The following NTNG2 variants were observed in gnomAD, a reference collection of about 807,000 sequenced individuals.
NTNG2 encodes the protein netrin G2.
A neutral mutation model predicts 47.6 loss-of-function variants in NTNG2; 15 were observed. That is an observed-to-expected ratio of 0.32 (90% CI 0.21 to 0.49). The LOEUF is 0.49. Ranked by LOEUF, NTNG2 falls within the 20% of genes least tolerant of loss-of-function variation. The pLI is 0.99. For missense variants in NTNG2, 578 were observed against 764.6 expected (o/e 0.76, Z 2.88); for synonymous variants, 307 against 324.6 (o/e 0.95, Z 0.58).
At chr9:132,241,315 C>A in intron 7 of NTNG2, 1 of 506,274 alleles carries the variant, frequency 2.0e-6, no homozygotes, top group South Asian at 2.5e-5. Flanking sequence ...TGAGATGGGG[C>A]CGACCCGGGG....
At chr9:132,198,898 C>T (rs1448966608) in intron 3 of NTNG2, among the ~76,000 whole-genome samples, 1 of 152,036 alleles carries the variant, frequency 6.6e-6, no homozygotes, top group East Asian at 1.9e-4. Context: ...TGACCTGGTT[C>T]TTGGGATGTT....
chr9:132,230,436 T>C, intron 4 of NTNG2, 136 bp from the exon 5 acceptor site: 1 of 734,624 alleles, frequency 1.4e-6, no homozygotes, highest in Non-Finnish European at 2.4e-6. Context: ...TTGCTAGCAG[T>C]TGTGTGGTGG....
intron 2 of NTNG2, among the ~76,000 whole-genome samples, chr9:132,184,525 C>A (rs1837190652): frequency 6.6e-6 from 1 of 152,234 alleles, no homozygotes; most frequent in Admixed American, 6.5e-5. Context: ...TAAGCAGACA[C>A]CTGCCAAAGG....
In NTNG2 at chr9:132,163,847, T is replaced by C. The variant is rs1277990671; in HGVS notation, c.-484+1608T>C. ...ATCTAATTTTCGAGTTTTAATACCC[T>C]GGCTATCAGCCCCCCTTGGTTCCTG... On this transcript the variant is annotated intron_variant, in intron 1 of 7. Coordinates refer to ENST00000393229, the MANE Select transcript of NTNG2 (RefSeq NM_032536.4). The surrounding 1 kb of genome is among the most constrained non-coding windows in gnomAD (Gnocchi z 7.2). Among the ~76,000 whole-genome samples the C allele has an allele frequency of 1.3e-5, 2 of 152,252 alleles. No homozygotes were observed. Among genetic ancestry groups the C allele is most frequent in the Non-Finnish European group, 1.5e-5 (1 of 68,032 alleles).
Position 132,198,486 on chromosome 9 carries a change from A to G in NTNG2, c.734A>G (p.Glu245Gly). The part of the protein sequence containing the change: ...TRLESAKGLK[E>G]FFTLTDLRMR... Reference sequence around the variant, plus strand: ...CTGGAGAGCGCCAAGGGCCTCAAGGAGTTCTTCACCCTCACCGACCTGCGC... The same window carrying G: ...CTGGAGAGCGCCAAGGGCCTCAAGGGGTTCTTCACCCTCACCGACCTGCGC... Residue 245 changes from glutamate to glycine, a missense_variant, in exon 3 of 8, where the codon GAG becomes GGG. Physicochemically the swap from Glu to Gly is moderately conservative, Grantham distance 98. Transcript: ENST00000393229. 1 of 1,610,338 alleles carries G rather than the reference A, an allele frequency of 6.2e-7. No individual in the cohort carries two copies. The highest frequency in any genetic ancestry group is 8.5e-7 in the Non-Finnish European group (1 of 1,177,890).
rs1219750732 is a variant in NTNG2, at chr9:132,208,830, A to G, written c.857+10221A>G. ...ACGTGGATAGAGTCATGCAACCACC[A>G]CCACAGCCTGGGCCCACAACAGCCC... On this transcript the variant is annotated intron_variant, in intron 3 of 7. Coordinates refer to ENST00000393229, the MANE Select transcript of NTNG2 (RefSeq NM_032536.4). This position sits in a 1 kb window ranked among gnomAD's most constrained non-coding sequence, Gnocchi z 4.0. 6.6e-6 allele frequency among the ~76,000 whole-genome samples: 1 copy of G among 151,796 alleles called. No homozygotes were observed. Among genetic ancestry groups the G allele is most frequent in the Non-Finnish European group, 1.5e-5 (1 of 68,022 alleles).
Position 132,197,928 on chromosome 9 carries a change from C to A in NTNG2, c.214-38C>A. On this transcript the variant is annotated intron_variant, in intron 2 of 7. Transcript: ENST00000393229. The surrounding 1 kb of genome is among the most constrained non-coding windows in gnomAD (Gnocchi z 4.3). ...AGGCTTCCCAGGCCATCCCGAGCATCCAGCACCCACCCTTCCCTTCTCCTC... is the reference window on the plus strand; with the variant it reads ...AGGCTTCCCAGGCCATCCCGAGCATACAGCACCCACCCTTCCCTTCTCCTC... 1 of 1,573,008 alleles carries A rather than the reference C, an allele frequency of 6.4e-7. No homozygotes were observed. Among genetic ancestry groups the A allele is most frequent in the South Asian group, 1.2e-5 (1 of 84,788 alleles).
At position 132,198,438 on chromosome 9, in the gene NTNG2, A is replaced by T; in HGVS notation, c.686A>T (p.Asn229Ile). 1 of 1,613,080 alleles carries T rather than the reference A, an allele frequency of 6.2e-7. No individual in the cohort carries two copies. Among genetic ancestry groups the T allele is most frequent in the Non-Finnish European group, 8.5e-7 (1 of 1,179,966 alleles). Residue 229 changes from asparagine (N) to isoleucine (I), a missense_variant, in exon 3 of 8, where the codon AAC (asparagine) becomes ATC (isoleucine). Physicochemically the swap from Asn to Ile is moderately radical, Grantham distance 149. Coordinates refer to ENST00000393229, the MANE Select transcript of NTNG2 (RefSeq NM_032536.4). ...ATCTTTGCCGGCCCCGACCTGCGCAACATGGACAACCTCTACACGCGGCTG... is the reference window on the plus strand; with the variant it reads ...ATCTTTGCCGGCCCCGACCTGCGCATCATGGACAACCTCTACACGCGGCTG... ...FAIFAGPDLR[N>I]MDNLYTRLES...
rs556935298 is a variant in NTNG2, at chr9:132,166,716, C to T, written c.-116C>T. On this transcript the variant is annotated 5_prime_UTR_variant, in exon 2 of 8. Transcript: ENST00000393229. ...CAGTGCTCGGGTCCCTGGGACACCC[C>T]GGCCACCCTCGCCTGGTAGATGTGG... 7.3e-6 allele frequency: 7 copies of T among 959,332 alleles called. No homozygotes were observed. In the East Asian group the frequency reaches 9.7e-5, roughly 13 times the overall value. The allele number at this position is 959,332 out of a possible 1,614,324, so 59.4% of individuals were successfully genotyped here. A position where few individuals can be genotyped will look rare whatever the true frequency, so the allele number is the denominator to read the frequency against.
chr9:132,196,836 A>T (rs1838348760), intron 2 of NTNG2, among the ~76,000 whole-genome samples: 1 of 152,172 alleles, frequency 6.6e-6, no homozygotes, highest in African/African-American at 2.4e-5. Flanking sequence ...CCTCTGACGC[A>T]ATTGCAAGTT....
chr9:132,190,676 T>TTG (rs1564400887), intron 2 of NTNG2, among the ~76,000 whole-genome samples: 2 of 152,354 alleles, frequency 1.3e-5, no homozygotes. Context: ...GCCTCTGACT[T>TTG]TGACTGTACC....
At chr9:132,169,257 A>G (rs1232855266) in intron 2 of NTNG2, among the ~76,000 whole-genome samples, 1 of 152,258 alleles carries the variant, frequency 6.6e-6, no homozygotes, top group African/African-American at 2.4e-5. Context: ...ATGGGCTGCC[A>G]TCCAGCTCTG....
chr9:132,209,859 C>T (rs921037889), intron 3 of NTNG2, among the ~76,000 whole-genome samples: 7 of 138,288 alleles, frequency 5.1e-5, no homozygotes, highest in Admixed American at 3.9e-4. Flanking sequence ...GCGGGAGGCG[C>T]GGCAGCGTTG....
At chr9:132,227,791 G>A (rs1280711205) in intron 4 of NTNG2, among the ~76,000 whole-genome samples, 5 of 152,184 alleles carry the variant, frequency 3.3e-5, no homozygotes, top group East Asian at 1.9e-4. Flanking sequence ...ACCCGGGCGC[G>A]CTAGCGTAGT....
intron 3 of NTNG2, among the ~76,000 whole-genome samples, chr9:132,224,322 C>T (rs1349691216): frequency 6.6e-6 from 1 of 152,068 alleles, no homozygotes; most frequent in Non-Finnish European, 1.5e-5. Flanking sequence ...TTCACTAGGG[C>T]CTGTTATTTA....
chr9:132,212,308 G>T (rs1038374423), intron 3 of NTNG2, among the ~76,000 whole-genome samples: 3 of 152,214 alleles, frequency 2.0e-5, no homozygotes, highest in South Asian at 2.1e-4. Context: ...CCCCTAAGCC[G>T]CACACCCAAG....
chr9:132,239,165 C>G lies in NTNG2; in HGVS notation c.1116C>G (p.Thr372=). Residue 372 remains threonine (T), a synonymous_variant, in exon 6 of 8, where the codon ACC becomes ACG. Transcript: ENST00000393229. The part of the protein sequence containing the change: ...CSYIDFLNVV[T]CVSCKHNTRG... ...ACATTGACTTCCTGAATGTGGTGAC[C>G]TGCGTCAGCTGCAAGCACAACACGC... The G allele has an allele frequency of 1.2e-6, 2 of 1,613,930 alleles. No individual in the cohort carries two copies. Among genetic ancestry groups the G allele is most frequent in the South Asian group, 2.2e-5 (2 of 91,090 alleles).
Position 132,162,569 on chromosome 9 carries a change from AGTGT to A in NTNG2, c.-484+375_-484+378del, listed in dbSNP as rs769570116. Among the ~76,000 whole-genome samples the A allele has an allele frequency of 0.048, 5,339 of 112,288 alleles. 166 individuals are homozygous for A. The highest frequency in any genetic ancestry group is 0.096 in the Middle Eastern group (19 of 198). 73.7% of individuals were successfully genotyped at this position (112,288 alleles called of 152,430 possible). A position where few individuals can be genotyped will look rare whatever the true frequency, so the allele number is the denominator to read the frequency against. On this transcript the variant is annotated intron_variant, in intron 1 of 7. Coordinates refer to ENST00000393229, the MANE Select transcript of NTNG2 (RefSeq NM_032536.4). This position sits in a 1 kb window ranked among gnomAD's most constrained non-coding sequence, Gnocchi z 4.6. The stretch of plus-strand genomic sequence containing the variant: ...GTGTGTGTGTGTGAGAGAGAGACAG[AGTGT>A]GTGTGTGTGTGTGTGTGTGTGTGTG...
In NTNG2 at chr9:132,208,728, T is replaced by G. The variant is rs7031109; in HGVS notation, c.857+10119T>G. 2.0e-5 allele frequency among the ~76,000 whole-genome samples: 3 copies of G among 151,754 alleles called. No individual in the cohort carries two copies. The highest frequency in any genetic ancestry group is 7.3e-5 in the African/African-American group (3 of 41,286). On this transcript the variant is annotated intron_variant, in intron 3 of 7. Transcript: ENST00000393229. This position sits in a 1 kb window ranked among gnomAD's most constrained non-coding sequence, Gnocchi z 4.0. The stretch of plus-strand genomic sequence containing the variant: ...ATTTTCTGGAGGGGAATTTTTTTTT[T>G]ATTTCTTAATTTTTTATTTTTATAT...
Sources: allele counts gnomAD v4.1 joint callset (sites outside exome capture counted in the v4.1 genomes callset), GRCh38; gene constraint gnomAD v4.1.1; non-coding constraint Gnocchi (gnomAD v3.1); transcripts MANE v1.5; gene names NCBI Gene and HGNC (gene_info 2026-07-23, HGNC 2026-07-21).